Variants in RNGTT observed in about 807,000 individuals in gnomAD.
RNGTT encodes mRNA-capping enzyme.
RNGTT carries 33 observed loss-of-function variants against 79.3 expected under a neutral mutation model. The ratio of observed to expected loss-of-function variants is 0.42; its 90% confidence interval spans 0.32 to 0.56. RNGTT has a LOEUF of 0.56. Among genes scored for constraint, RNGTT ranks in the 20% least tolerant of loss-of-function variants. The probability of loss-of-function intolerance (pLI) is 0.17; values close to 1 mark genes in which losing one functional copy is unlikely to be tolerated. For missense variants in RNGTT, 497 were observed against 739.1 expected (o/e 0.67, Z 3.80); for synonymous variants, 222 against 235.9 (o/e 0.94, Z 0.54).
intron 2 of RNGTT, among the ~76,000 whole-genome samples, chr6:88,933,744 T>C (rs1275394008): frequency 6.6e-6 from 1 of 151,770 alleles, no homozygotes; most frequent in Non-Finnish European, 1.5e-5. Context: ...AAAATGATGA[T>C]TTCATTTTTT....
intron 8 of RNGTT, among the ~76,000 whole-genome samples, chr6:88,868,620 T>C (rs568695762): frequency 6.6e-6 from 1 of 152,208 alleles, no homozygotes; most frequent in South Asian, 2.1e-4. Context: ...TTATATGCAA[T>C]TATACTTCAT....
At chr6:88,822,294 C>T (rs1301679208) in intron 11 of RNGTT, among the ~76,000 whole-genome samples, 1 of 152,116 alleles carries the variant, frequency 6.6e-6, no homozygotes, top group Non-Finnish European at 1.5e-5. Context: ...GCTAAAGTTA[C>T]ACAGATACGT....
chr6:88,642,745 T>C (rs1021304861), intron 14 of RNGTT, among the ~76,000 whole-genome samples: 10 of 152,162 alleles, frequency 6.6e-5, no homozygotes, highest in Non-Finnish European at 1.3e-4. Context: ...ATAAAAGCAA[T>C]ATTTACTTAG....
intron 13 of RNGTT, among the ~76,000 whole-genome samples, chr6:88,705,340 T>A (rs1198133898): frequency 2.0e-5 from 3 of 152,170 alleles, no homozygotes; most frequent in African/African-American, 7.2e-5. Context: ...AATGTCAGTC[T>A]AAAACATACT....
chr6:88,719,928 C>T (rs1776652148), intron 13 of RNGTT, among the ~76,000 whole-genome samples: 1 of 152,142 alleles, frequency 6.6e-6, no homozygotes, highest in Non-Finnish European at 1.5e-5. Flanking sequence ...CCTGTCAGTA[C>T]ATCTACTCAT....
intron 13 of RNGTT, among the ~76,000 whole-genome samples, chr6:88,716,784 A>G (rs1776531298): frequency 1.3e-5 from 2 of 152,158 alleles, no homozygotes; most frequent in South Asian, 4.1e-4. Context: ...ACATGGACAC[A>G]GGAAGGGGAA....
At chr6:88,939,268 T>C (rs1272709354) in intron 2 of RNGTT, among the ~76,000 whole-genome samples, 1 of 152,208 alleles carries the variant, frequency 6.6e-6, no homozygotes, top group Admixed American at 6.5e-5. Flanking sequence ...TGGTGTCCTA[T>C]ATCTCAAGAA....
At chr6:88,629,687 G>C (rs544782917) in intron 14 of RNGTT, among the ~76,000 whole-genome samples, 2 of 152,164 alleles carry the variant, frequency 1.3e-5, no homozygotes, top group Admixed American at 1.3e-4. Flanking sequence ...CAAGTTTTCA[G>C]AGGATCTATT....
chr6:88,908,636 C>T (rs912243304), intron 4 of RNGTT, among the ~76,000 whole-genome samples: 22 of 152,270 alleles, frequency 1.4e-4, no homozygotes, highest in African/African-American at 5.1e-4. Context: ...CCTCTGGGAT[C>T]CTAGCTACAA....
intron 11 of RNGTT, among the ~76,000 whole-genome samples, chr6:88,808,014 A>T (rs79924625): frequency 0.019 from 2,883 of 152,290 alleles, 83 homozygotes; most frequent in African/African-American, 0.066. Context: ...ACAATAGCTG[A>T]TAAAACATAT....
At chr6:88,958,860 C>A (rs1785519124) in intron 1 of RNGTT, among the ~76,000 whole-genome samples, 1 of 152,170 alleles carries the variant, frequency 6.6e-6, no homozygotes, top group Non-Finnish European at 1.5e-5. Context: ...TACTGGGTAT[C>A]TACCCAGAAG....
chr6:88,826,506 A>T (rs1329199007), intron 11 of RNGTT, among the ~76,000 whole-genome samples: 2 of 152,120 alleles, frequency 1.3e-5, no homozygotes, highest in South Asian at 2.1e-4. Context: ...ATCATCGGCC[A>T]GGTGCGGTGG....
intron 12 of RNGTT, among the ~76,000 whole-genome samples, chr6:88,797,769 A>G (rs1301093138): frequency 6.6e-6 from 1 of 151,988 alleles, no homozygotes; most frequent in Non-Finnish European, 1.5e-5. Context: ...ATTTGACCAA[A>G]TATGTGATGT....
chr6:88,753,140 C>A (rs1419034918), intron 13 of RNGTT, among the ~76,000 whole-genome samples: 1 of 151,948 alleles, frequency 6.6e-6, no homozygotes. Flanking sequence ...GCAAATTACA[C>A]CATAATGGAA....
intron 13 of RNGTT, among the ~76,000 whole-genome samples, chr6:88,689,221 T>A (rs1205348428): frequency 6.6e-6 from 1 of 151,240 alleles, no homozygotes; most frequent in African/African-American, 2.4e-5. Context: ...GCAGGAGGAC[T>A]GCTTGAGGCC....
chr6:88,826,788 G>T (rs9359821), intron 11 of RNGTT, among the ~76,000 whole-genome samples: 1 of 69,740 alleles, frequency 1.4e-5, no homozygotes, highest in Non-Finnish European at 2.8e-5. Context: ...TGTCTCAAAA[G>T]AAAAAAAAAA....
At position 88,660,764 on chromosome 6, in the gene RNGTT, C is replaced by T. The variant is rs1410075839; in HGVS notation, c.1506+17589G>A. Among the ~76,000 whole-genome samples, 5 of 152,216 alleles carry T rather than the reference C, an allele frequency of 3.3e-5. 1 individual carries two copies. Among genetic ancestry groups the T allele is most frequent in the African/African-American group, 1.2e-4 (5 of 41,532 alleles). ...GACAGCACTGGACAGGTCATCAAGA[C>T]AGAAAGTCAACAAAGAAACAATGGA... On this transcript the variant is annotated intron_variant, in intron 14 of 15. Coordinates refer to ENST00000369485, the MANE Select transcript of RNGTT (RefSeq NM_003800.5).
intron 14 of RNGTT, among the ~76,000 whole-genome samples, chr6:88,676,138 C>T (rs780818636): frequency 1.3e-5 from 2 of 152,078 alleles, no homozygotes; most frequent in Non-Finnish European, 2.9e-5. Context: ...AGGATTTATA[C>T]TACTTGACTT....
chr6:88,905,394 G>T (rs1037527827), intron 5 of RNGTT, among the ~76,000 whole-genome samples: 1 of 152,196 alleles, frequency 6.6e-6, no homozygotes, highest in African/African-American at 2.4e-5. Context: ...ATCTGACATA[G>T]GAAACTGAGA....
Sources: gnomAD v4.1 joint callset for allele counts (sites outside exome capture counted in the v4.1 genomes callset) on GRCh38, gnomAD v4.1.1 for gene constraint, MANE v1.5 for transcripts, NCBI Gene and HGNC (gene_info 2026-07-23, HGNC 2026-07-21) for gene names.